The following STARD4 variants were observed in gnomAD, a reference collection of about 807,000 sequenced individuals.
The protein encoded by STARD4 is StAR related lipid transfer domain containing 4, also known as stAR-related lipid transfer protein 4.
A neutral mutation model predicts 24.9 loss-of-function variants in STARD4; 33 were observed. The observed-to-expected ratio is 1.32, with a 90% CI of 1.00 to 1.77. The LOEUF (loss-of-function observed/expected upper bound fraction) is 1.77. STARD4 is among the 40% of genes most tolerant of loss of function. The pLI is 0.00. For missense variants in STARD4, 238 were observed against 249.3 expected (o/e 0.95, Z 0.31); for synonymous variants, 88 against 77.4 (o/e 1.14, Z -0.72).
chr5:111,501,822 G>T, intron 4 of STARD4, 140 bp downstream of exon 4: 1 of 1,183,374 alleles, frequency 8.5e-7, no homozygotes, highest in Non-Finnish European at 1.2e-6. Context: ...GGACTCCCCT[G>T]TGATATCTTT....
chr5:111,503,467 A>G (rs986304463), intron 3 of STARD4, among the ~76,000 whole-genome samples: 1 of 152,112 alleles, frequency 6.6e-6, no homozygotes, highest in Non-Finnish European at 1.5e-5. Flanking sequence ...CGTCTCTACT[A>G]AAAATACAAA....
rs569714595 is a variant in STARD4, at chr5:111,508,026, TG to T, written c.-9-585del. 3.4e-3 allele frequency among the ~76,000 whole-genome samples: 519 copies of T among 152,294 alleles called. 5 individuals carry two copies. Among genetic ancestry groups the T allele is most frequent in the African/African-American group, 0.012 (500 of 41,568 alleles). On this transcript the variant is annotated intron_variant, in intron 1 of 5. Coordinates refer to ENST00000296632, the MANE Select transcript of STARD4 (RefSeq NM_139164.3). ...CCTCATTGTCTACAGTATTCTACAC[TG>T]GTTTTCTTTCTGTCCCTCAAACAGG...
chr5:111,500,177 A>G, intron 5 of STARD4, 71 bp from the exon 6 acceptor site: 1 of 1,425,796 alleles, frequency 7.0e-7, no homozygotes, highest in African/African-American at 1.4e-5. Flanking sequence ...TTAAAATATT[A>G]CCAGAATTCT....
chr5:111,501,863 A>T (rs936785115), intron 4 of STARD4, 99 bp downstream of exon 4: 1 of 1,483,308 alleles, frequency 6.7e-7, no homozygotes, highest in South Asian at 1.2e-5. Flanking sequence ...AGCAATGAAT[A>T]TAAGTGTGTA....
chr5:111,508,713 C>A (rs1372879933), intron 1 of STARD4, among the ~76,000 whole-genome samples: 1 of 152,042 alleles, frequency 6.6e-6, no homozygotes, highest in South Asian at 2.1e-4. Context: ...ATTTTAGGGC[C>A]CAGTGCCAAA....
rs1300439957 is a variant in STARD4, at chr5:111,501,001, C to T, written c.397+1G>A. 6.2e-7 allele frequency: 1 copy of T among 1,613,658 alleles called. No homozygotes were observed. The highest frequency in any genetic ancestry group is 8.5e-7 in the Non-Finnish European group (1 of 1,179,824). On this transcript the variant is annotated splice_donor_variant, in intron 5 of 5. Transcript: ENST00000296632. LOFTEE classifies it high-confidence loss of function. ...AAAGCATAACATGTTGAGATTATTA[C>T]CACAAGATAAAAGCCCTTCTTTATA...
rs1561529847 is a variant in STARD4, at chr5:111,496,635, T to C, written c.*3251A>G. On this transcript the variant is annotated 3_prime_UTR_variant, in exon 6 of 6. Coordinates refer to ENST00000296632, the MANE Select transcript of STARD4 (RefSeq NM_139164.3). ...AATTAAGGGCTTAAATTATACAATG[T>C]TTTCCCATCTTCTCCAGATACAACC... 6.6e-6 allele frequency: 1 copy of C among 152,108 alleles called. No homozygotes were observed. Among genetic ancestry groups the C allele is most frequent in the Non-Finnish European group, 1.5e-5 (1 of 67,982 alleles). 9.4% of individuals were successfully genotyped at this position (152,108 alleles called of 1,614,324 possible). A position where few individuals can be genotyped will look rare whatever the true frequency, so the allele number is the denominator to read the frequency against.
chr5:111,499,016 A>G lies in STARD4; in HGVS notation c.*870T>C, dbSNP rs1430416117. The G allele has an allele frequency of 6.6e-6, 1 of 152,210 alleles. No homozygotes were observed. Among genetic ancestry groups the G allele is most frequent in the Non-Finnish European group, 1.5e-5 (1 of 68,034 alleles). 9.4% of individuals were successfully genotyped at this position (152,210 alleles called of 1,614,324 possible). On this transcript the variant is annotated 3_prime_UTR_variant, in exon 6 of 6. Transcript: ENST00000296632. ...GCTCACTTTACCCATATTAACAACA[A>G]CAAAACAGTAGACACAGGAATACTA... is the stretch of plus-strand genomic sequence containing the variant.
intron 5 of STARD4, 164 bp downstream of exon 5, chr5:111,500,838 T>C (rs2112541544): frequency 6.6e-7 from 1 of 1,520,108 alleles, no homozygotes; most frequent in Non-Finnish European, 8.7e-7. Context: ...CAAAACTCTT[T>C]TGATATTGCT....
Position 111,507,298 on chromosome 5 carries a change from A to G in STARD4, c.105+31T>C. 3.2e-6 allele frequency: 5 copies of G among 1,561,448 alleles called. No individual in the cohort carries two copies. Among genetic ancestry groups the G allele is most frequent in the Non-Finnish European group, 4.4e-6 (5 of 1,137,554 alleles). ...AACCAATTCATTAGATAGAAGATAT[A>G]CCCCAAATATAAGTAATTGAACTAA... On this transcript the variant is annotated intron_variant, in intron 2 of 5. Coordinates refer to ENST00000296632, the MANE Select transcript of STARD4 (RefSeq NM_139164.3). The surrounding 1 kb of genome is among the most constrained non-coding windows in gnomAD (Gnocchi z 4.4).
Position 111,511,550 on chromosome 5 carries a change from G to A in STARD4, c.-10+835C>T, listed in dbSNP as rs958372139. 3.9e-5 allele frequency among the ~76,000 whole-genome samples: 6 copies of A among 152,262 alleles called. No homozygotes were observed. The East Asian group carries it at 9.7e-4, about 24-fold the overall frequency. On this transcript the variant is annotated intron_variant, in intron 1 of 5. Transcript: ENST00000296632. ...CCATAAGTGAGAATAGTAGCTTAAT[G>A]TCTATACATTTTCCCTGTTTTACAG...
chr5:111,508,464 C>G (rs761810205), intron 1 of STARD4, among the ~76,000 whole-genome samples: 9 of 152,128 alleles, frequency 5.9e-5, no homozygotes, highest in Non-Finnish European at 1.2e-4. Flanking sequence ...ACTATTCTAT[C>G]TCTATTCCTC....
chr5:111,503,133 C>G (rs889112879), intron 3 of STARD4, among the ~76,000 whole-genome samples: 10 of 152,058 alleles, frequency 6.6e-5, no homozygotes, highest in Non-Finnish European at 1.3e-4. Context: ...GCCAATAGAA[C>G]AGAACACCAA....
Position 111,500,107 on chromosome 5 carries a change from C to T in STARD4, c.398-1G>A, listed in dbSNP as rs751434816. 1.3e-6 allele frequency: 2 copies of T among 1,588,096 alleles called. No homozygotes were observed. Among genetic ancestry groups the T allele is most frequent in the South Asian group, 2.3e-5 (2 of 88,186 alleles). ...TTTTCATCCCAGTCAAGACTTATTC[C>T]TATAAGGCAATTTTTAAAATAGCAC... On this transcript the variant is annotated splice_acceptor_variant, in intron 5 of 5. Transcript: ENST00000296632. LOFTEE classifies it high-confidence loss of function.
intron 1 of STARD4, among the ~76,000 whole-genome samples, chr5:111,508,207 T>C (rs1184711096): frequency 6.6e-6 from 1 of 152,172 alleles, no homozygotes; most frequent in Admixed American, 6.5e-5. Flanking sequence ...ATAGTGCTTA[T>C]CATTATCTGA....
intron 4 of STARD4, 47 bp from the exon 5 acceptor site, chr5:111,501,163 C>T (rs753847970): frequency 2.0e-6 from 3 of 1,526,344 alleles, no homozygotes; most frequent in Non-Finnish European, 2.6e-6. Flanking sequence ...AGGAAACATA[C>T]ATAGCTTCAT....
intron 3 of STARD4, among the ~76,000 whole-genome samples, chr5:111,505,723 A>G (rs900399835): frequency 1.3e-5 from 2 of 152,180 alleles, no homozygotes; most frequent in Non-Finnish European, 2.9e-5. Flanking sequence ...CTAAGATAAA[A>G]TGTTCTACAG....
At chr5:111,504,345 A>G (rs1291922856) in intron 3 of STARD4, among the ~76,000 whole-genome samples, 1 of 152,246 alleles carries the variant, frequency 6.6e-6, no homozygotes, top group Admixed American at 6.5e-5. Context: ...ATGGATTTAC[A>G]TATGACAACA....
chr5:111,512,137 G>C (rs1185098617), intron 1 of STARD4: 2 of 152,296 alleles, frequency 1.3e-5, no homozygotes, highest in Non-Finnish European at 2.9e-5. Context: ...GCGCAGGGGC[G>C]AGTTGCAAGC....
Sources: gnomAD v4.1 joint callset for allele counts (sites outside exome capture counted in the v4.1 genomes callset) on GRCh38, gnomAD v4.1.1 for gene constraint, Gnocchi (gnomAD v3.1) non-coding constraint, MANE v1.5 for transcripts, NCBI Gene and HGNC (gene_info 2026-07-23, HGNC 2026-07-21) for gene names.